SLC38A6: variants seen among roughly 807,000 people sequenced by gnomAD.
The protein encoded by SLC38A6 is N system amino acid transporter NAT-1.
Under a neutral mutation model 65.0 loss-of-function variants are expected in SLC38A6, and 73 were observed. The ratio of observed to expected loss-of-function variants is 1.12; its 90% CI spans 0.93 to 1.37. The LOEUF (loss-of-function observed/expected upper bound fraction) is 1.37, where lower values mean the gene tolerates loss of function less well. Ranked by LOEUF, SLC38A6 falls within the 40% of genes most tolerant of loss-of-function variation. The pLI is 0.00. For missense variants in SLC38A6, 561 were observed against 531.1 expected (o/e 1.06, Z -0.55); for synonymous variants, 183 against 178.8 (o/e 1.02, Z -0.19).
intron 4 of SLC38A6, among the ~76,000 whole-genome samples, chr14:61,019,262 A>G (rs776225330): frequency 2.1e-4 from 32 of 152,214 alleles, no homozygotes; most frequent in Non-Finnish European, 4.3e-4. Context: ...CTTGATAATC[A>G]TCGATTACTA....
chr14:61,026,679 C>G (rs1018804326), intron 5 of SLC38A6, among the ~76,000 whole-genome samples: 1 of 151,580 alleles, frequency 6.6e-6, no homozygotes, highest in Non-Finnish European at 1.5e-5. Context: ...TCACTTTGCT[C>G]CTGCACTTTC....
chr14:60,993,880 T>C (rs1040141512), intron 3 of SLC38A6, among the ~76,000 whole-genome samples: 13 of 152,122 alleles, frequency 8.5e-5, no homozygotes, highest in Non-Finnish European at 1.5e-4. Flanking sequence ...AAGCCAATAA[T>C]GAGATACCTC....
At chr14:61,065,024 CA>C (rs1486873672) in intron 15 of SLC38A6, among the ~76,000 whole-genome samples, 13 of 152,050 alleles carry the variant, frequency 8.5e-5, no homozygotes, top group African/African-American at 3.1e-4. Flanking sequence ...TATATTATTT[CA>C]GTCTGGTTGC....
chr14:61,010,443 A>C (rs1276704580), intron 3 of SLC38A6, among the ~76,000 whole-genome samples: 1 of 152,216 alleles, frequency 6.6e-6, no homozygotes, highest in Non-Finnish European at 1.5e-5. Flanking sequence ...TTAGACACGA[A>C]GTCCTTAACA....
intron 3 of SLC38A6, among the ~76,000 whole-genome samples, chr14:60,995,003 C>CAA (rs34888148): frequency 5.2e-4 from 38 of 73,046 alleles, no homozygotes; most frequent in African/African-American, 7.4e-4. Flanking sequence ...GACTCCATCT[C>CAA]AAAAAAAAAA....
chr14:61,035,890 T>G (rs1454195434), intron 6 of SLC38A6, among the ~76,000 whole-genome samples: 1 of 152,220 alleles, frequency 6.6e-6, no homozygotes, highest in Non-Finnish European at 1.5e-5. Flanking sequence ...TATCTACTTT[T>G]TGGTATTTTA....
At chr14:61,061,518 C>A (rs530728734) in intron 15 of SLC38A6, among the ~76,000 whole-genome samples, 167 of 152,262 alleles carry the variant, frequency 1.1e-3, no homozygotes, top group Non-Finnish European at 2.0e-3. Context: ...AGTACCTGCT[C>A]GTCTTTGTAC....
chr14:60,999,879 A>C (rs1434072402), intron 3 of SLC38A6, among the ~76,000 whole-genome samples: 1 of 152,234 alleles, frequency 6.6e-6, no homozygotes, highest in East Asian at 1.9e-4. Context: ...AGACATCGTG[A>C]AACTGGTTTT....
intron 15 of SLC38A6, among the ~76,000 whole-genome samples, chr14:61,063,194 A>G (rs928361461): frequency 2.6e-5 from 4 of 152,152 alleles, no homozygotes; most frequent in African/African-American, 9.7e-5. Flanking sequence ...TGTTAGCATC[A>G]GTCACTAATA....
chr14:61,083,450 T>A, intron 16 of SLC38A6: 1 of 1,458,358 alleles, frequency 6.9e-7, no homozygotes, highest in Middle Eastern at 2.3e-4. Context: ...CCCCAGGACC[T>A]CAGAATGCAA....
At chr14:60,991,052 T>G (rs551127152) in intron 3 of SLC38A6, among the ~76,000 whole-genome samples, 2 of 152,294 alleles carry the variant, frequency 1.3e-5, no homozygotes, top group South Asian at 4.1e-4. Flanking sequence ...ATTACCACCA[T>G]CAAAAGTAAT....
chr14:60,982,652 T>C lies in SLC38A6; in HGVS notation c.236+14T>C. The C allele has an allele frequency of 6.3e-7, 1 of 1,591,038 alleles. No homozygotes were observed. Among genetic ancestry groups the C allele is most frequent in the Non-Finnish European group, 8.5e-7 (1 of 1,173,406 alleles). ...CTTTGGATTTAGGTGAGTCTTCATA[T>C]TTTAGCATCAAATTTTTTTTTCCAT... On this transcript the variant is annotated intron_variant, in intron 2 of 15. Transcript: ENST00000267488.
intron 16 of SLC38A6, among the ~76,000 whole-genome samples, chr14:61,079,278 A>G (rs1202662231): frequency 1.3e-5 from 2 of 151,408 alleles, no homozygotes; most frequent in African/African-American, 4.9e-5. Flanking sequence ...CTGGGATTAC[A>G]GGCACACACT....
In SLC38A6 at chr14:61,026,395, A is replaced by C. The variant is rs528813588; in HGVS notation, c.404-4050A>C. Among the ~76,000 whole-genome samples, 6 of 152,248 alleles carry C rather than the reference A, an allele frequency of 3.9e-5. No homozygotes were observed. In the South Asian group the frequency reaches 1.2e-3, roughly 32 times the overall value. On this transcript the variant is annotated intron_variant, in intron 5 of 15. Coordinates refer to ENST00000267488, the MANE Select transcript of SLC38A6 (RefSeq NM_153811.3). ...CAATAGAATCTCATCATGAAACTCC[A>C]TGAATTTTGAACTAATCACATCACC...
chr14:61,049,556 G>A (rs2042380587), intron 12 of SLC38A6, among the ~76,000 whole-genome samples: 1 of 152,134 alleles, frequency 6.6e-6, no homozygotes, highest in African/African-American at 2.4e-5. Context: ...TGTCATCACA[G>A]TTTAGAATCT....
intron 3 of SLC38A6, among the ~76,000 whole-genome samples, chr14:61,009,206 G>C (rs528080592): frequency 2.0e-5 from 3 of 152,220 alleles, no homozygotes; most frequent in East Asian, 3.9e-4. Context: ...AAATCTTTCA[G>C]AATGCCTAAG....
intron 3 of SLC38A6, among the ~76,000 whole-genome samples, chr14:61,007,967 A>C (rs1216463838): frequency 6.6e-6 from 1 of 152,180 alleles, no homozygotes; most frequent in Admixed American, 6.5e-5. Context: ...GATTTGAAAA[A>C]AAAGAATGTT....
intron 16 of SLC38A6, chr14:61,083,415 C>A: frequency 7.6e-7 from 1 of 1,313,764 alleles, no homozygotes; most frequent in Non-Finnish European, 1.0e-6. Flanking sequence ...GTTCCAACCC[C>A]AAATTCGTAG....
intron 3 of SLC38A6, among the ~76,000 whole-genome samples, chr14:61,013,367 G>A (rs1185152162): frequency 2.0e-5 from 3 of 152,174 alleles, no homozygotes; most frequent in Non-Finnish European, 4.4e-5. Flanking sequence ...TTTAATTGGA[G>A]TATTTAGCCC....
Sources: allele counts gnomAD v4.1 joint callset (sites outside exome capture counted in the v4.1 genomes callset), GRCh38; gene constraint gnomAD v4.1.1; transcripts MANE v1.5; gene names NCBI Gene and HGNC (gene_info 2026-07-23, HGNC 2026-07-21).